Variants in HES7 observed in about 807,000 individuals in gnomAD.
HES7 encodes hes family bHLH transcription factor 7.
In HES7, 8 loss-of-function variants were observed where a neutral mutation model predicts 18.0. The observed-to-expected ratio is 0.45, with a 90% CI of 0.26 to 0.80. The LOEUF (loss-of-function observed/expected upper bound fraction) is 0.80, where lower values mean the gene tolerates loss of function less well. HES7 is among the 30% of genes least tolerant of loss of function. The pLI, the probability that HES7 is intolerant of heterozygous loss-of-function variation, is 0.18. For synonymous variants in HES7, 170 were observed against 158.6 expected, an observed-to-expected ratio of 1.07 and a Z score of -0.54; for missense variants, 356 against 340.9, an observed-to-expected ratio of 1.04 and a Z score of -0.35.
rs750066544 is a variant in HES7 at position 8,121,858 on chromosome 17, G to T, written c.406C>A (p.Pro136Thr). The change falls in exon 4 of 4, where the codon CCC becomes ACC. Residue 136 changes from proline (P) to threonine (T), a missense_variant. By Grantham distance (38) the Pro-to-Thr change is conservative (BLOSUM62 -1). Coordinates refer to ENST00000541682, the MANE Select transcript of HES7 (RefSeq NM_001165967.2). ...ALHGYLRPKP[P>T]RPKPVDPRPP... ...CTCGGATCTACCGGCTTGGGCCGGG[G>T]CGGTTTGGGGCGCAGATAGCCGTGC... 1 of 1,572,868 alleles carries T rather than the reference G, an allele frequency of 6.4e-7. No homozygotes were observed. The highest frequency in any genetic ancestry group is 8.5e-7 in the Non-Finnish European group (1 of 1,169,822).
In HES7 at chr17:8,122,327, C is replaced by A; in HGVS notation, c.226+16G>T. ...TCCCCCCTCCCTCCCTCCGCTGCCC[C>A]ACCCCCGCGCTGTACCCGGGGGCTC... On this transcript the variant is annotated intron_variant, in intron 3 of 3. Transcript: ENST00000541682. The surrounding 1 kb of genome is among the most constrained non-coding windows in gnomAD (Gnocchi z 6.9). 1.3e-6 allele frequency: 2 copies of A among 1,565,460 alleles called. No individual in the cohort carries two copies. The highest frequency in any genetic ancestry group is 4.7e-5 in the East Asian group (2 of 42,466).
rs1981407081 is a variant in HES7, at chr17:8,122,461, G to C, written c.139-31C>G. ...GACGGGAGGGGAGGGCGCAGAGACA[G>C]AAAGGGGTGGGGAGAAAGGGGGAAA... is the stretch of plus-strand genomic sequence containing the variant. On this transcript the variant is annotated intron_variant, in intron 2 of 3. Coordinates refer to ENST00000541682, the MANE Select transcript of HES7 (RefSeq NM_001165967.2). This position sits in a 1 kb window ranked among gnomAD's most constrained non-coding sequence, Gnocchi z 6.9. 1 of 1,401,416 alleles carries C rather than the reference G, an allele frequency of 7.1e-7. No individual in the cohort carries two copies. The highest frequency in any genetic ancestry group is 9.9e-7 in the Non-Finnish European group (1 of 1,009,082). The allele number at this position is 1,401,416 out of a possible 1,614,324, so 86.8% of individuals were successfully genotyped here. A position where few individuals can be genotyped will look rare whatever the true frequency, so the allele number is the denominator to read the frequency against.
chr17:8,123,709 C>G lies in HES7; in HGVS notation c.42+334G>C, dbSNP rs1257015717. Among the ~76,000 whole-genome samples, 1 of 152,170 alleles carries G rather than the reference C, an allele frequency of 6.6e-6. No homozygotes were observed. Among genetic ancestry groups the G allele is most frequent in the African/African-American group, 2.4e-5 (1 of 41,428 alleles). On this transcript the variant is annotated intron_variant, in intron 1 of 3. Coordinates refer to ENST00000541682, the MANE Select transcript of HES7 (RefSeq NM_001165967.2). This position sits in a 1 kb window ranked among gnomAD's most constrained non-coding sequence, Gnocchi z 5.9. The stretch of plus-strand genomic sequence containing the variant: ...AGCCAGAGTGGAGCAAGTGCCTATC[C>G]TCTTCTCTTTTCGTTCCCACCCTCC...
chr17:8,125,337 T>C (rs549058841), upstream of HES7, among the ~76,000 whole-genome samples: 1 of 152,294 alleles, frequency 6.6e-6, no homozygotes, highest in East Asian at 1.9e-4. Flanking sequence ...CTTGCCATCA[T>C]AGCCCGAGCC....
chr17:8,124,693 C>A (rs551713385), upstream of HES7, among the ~76,000 whole-genome samples: 3 of 152,080 alleles, frequency 2.0e-5, no homozygotes, highest in African/African-American at 7.2e-5. Flanking sequence ...TAGGCTCGGG[C>A]GAGTCATAGT....
chr17:8,125,489 G>A (rs1401717987), upstream of HES7, among the ~76,000 whole-genome samples: 2 of 152,202 alleles, frequency 1.3e-5, no homozygotes, highest in Non-Finnish European at 2.9e-5. Flanking sequence ...TGGGAACCTG[G>A]GCTCGGGCTG....
In HES7 at chr17:8,122,344, CG is replaced by C; in HGVS notation, c.224del (p.Pro75ArgfsTer67). On this transcript the variant is annotated frameshift_variant and splice_region_variant, in exon 3 of 4. Coordinates refer to ENST00000541682, the MANE Select transcript of HES7 (RefSeq NM_001165967.2). LOFTEE classifies it high-confidence loss of function. The surrounding 1 kb of genome is among the most constrained non-coding windows in gnomAD (Gnocchi z 6.9). ...CGCTGCCCCACCCCCGCGCTGTACC[CG>C]GGGGCTCCACCCGGCTTCGCTCCCT... ...YLRERSRVEP[P>X]AAAAPGVPRS... is the part of the protein sequence containing the mutation. The C allele has an allele frequency of 6.3e-7, 1 of 1,587,354 alleles. No individual in the cohort carries two copies. Among genetic ancestry groups the C allele is most frequent in the Non-Finnish European group, 8.6e-7 (1 of 1,166,716 alleles).
At position 8,123,393 on chromosome 17, in the gene HES7, T is replaced by G; in HGVS notation, c.43-267A>C. 3.6e-6 allele frequency: 2 copies of G among 552,944 alleles called. No homozygotes were observed. Among genetic ancestry groups the G allele is most frequent in the East Asian group, 3.1e-5 (1 of 32,454 alleles). 34.3% of individuals were successfully genotyped at this position (552,944 alleles called of 1,614,324 possible). A position where few individuals can be genotyped will look rare whatever the true frequency, so the allele number is the denominator to read the frequency against. ...CCCTCTCTGTGTCTCTCCTCCTCTT[T>G]TCTCTCTACGTCTCCGTCTGGTGCA... is the stretch of plus-strand genomic sequence containing the variant. On this transcript the variant is annotated intron_variant, in intron 1 of 3. Coordinates refer to ENST00000541682, the MANE Select transcript of HES7 (RefSeq NM_001165967.2). The surrounding 1 kb of genome is among the most constrained non-coding windows in gnomAD (Gnocchi z 5.9).
Position 8,122,117 on chromosome 17 carries a change from C to A in HES7, c.227-80G>T. 7.9e-7 allele frequency: 1 copy of A among 1,262,508 alleles called. No homozygotes were observed. Among genetic ancestry groups the A allele is most frequent in the Non-Finnish European group, 1.1e-6 (1 of 938,332 alleles). 78.2% of individuals were successfully genotyped at this position (1,262,508 alleles called of 1,614,324 possible). A position where few individuals can be genotyped will look rare whatever the true frequency, so the allele number is the denominator to read the frequency against. ...GGGAAGGGGCGGGGCGCAGAGATAC[C>A]AAGGCCGGACAGGCGCACAGAGACA... On this transcript the variant is annotated intron_variant, in intron 3 of 3. Coordinates refer to ENST00000541682, the MANE Select transcript of HES7 (RefSeq NM_001165967.2). The surrounding 1 kb of genome is among the most constrained non-coding windows in gnomAD (Gnocchi z 6.9).
Position 8,121,772 on chromosome 17 carries a change from G to C in HES7, c.492C>G (p.His164Gln). Residue 164 changes from histidine to glutamine, a missense_variant, in exon 4 of 4, where the codon CAC becomes CAG. Transcript: ENST00000541682. Reference sequence around the variant, plus strand: ...GGCCCTGGTGCACTGGGGGGCGCTGGTGCAGCGCAGGGCCAAGGGCCGGTG... The same window carrying C: ...GGCCCTGGTGCACTGGGGGGCGCTGCTGCAGCGCAGGGCCAAGGGCCGGTG... The part of the protein sequence containing the change: ...PAAPALGPAL[H>Q]QRPPVHQGHP... 1 of 1,527,062 alleles carries C rather than the reference G, an allele frequency of 6.5e-7. No homozygotes were observed. The highest frequency in any genetic ancestry group is 8.7e-7 in the Non-Finnish European group (1 of 1,150,040). 94.6% of individuals were successfully genotyped at this position (1,527,062 alleles called of 1,614,324 possible).
At position 8,122,423 on chromosome 17, in the gene HES7, C is replaced by T; in HGVS notation, c.146G>A (p.Arg49Gln). The change falls in exon 3 of 4, where the codon CGG (arginine) becomes CAG (glutamine). Residue 49 changes from arginine (R) to glutamine (Q), a missense_variant. Coordinates refer to ENST00000541682, the MANE Select transcript of HES7 (RefSeq NM_001165967.2). The surrounding 1 kb of genome is among the most constrained non-coding windows in gnomAD (Gnocchi z 6.9). ...LLERTRDQNL[R>Q]NPKLEKAEIL... is the part of the protein sequence containing the mutation. ...CTCCGCTTTCTCCAGCTTCGGGTTC[C>T]GGAGGTTCTACAGACGGGAGGGGAG... 1 of 1,583,014 alleles carries T rather than the reference C, an allele frequency of 6.3e-7. No homozygotes were observed. Among genetic ancestry groups the T allele is most frequent in the East Asian group, 2.3e-5 (1 of 43,442 alleles).
chr17:8,124,144 G>T, upstream of HES7: 3 of 1,608,344 alleles, frequency 1.9e-6, no homozygotes, highest in South Asian at 2.2e-5. Context: ...ATATTCCGCG[G>T]CCCAAGGGTA....
Position 8,121,762 on chromosome 17 carries a change from G to C in HES7, c.502C>G (p.Pro168Ala), listed in dbSNP as rs754299029. 9 of 1,507,762 alleles carry C rather than the reference G, an allele frequency of 6.0e-6. No individual in the cohort carries two copies. In the Admixed American group the frequency reaches 1.8e-4, roughly 29 times the overall value. The allele number at this position is 1,507,762 out of a possible 1,614,324, so 93.4% of individuals were successfully genotyped here. Reference protein sequence around the residue: ...ALGPALHQRPPVHQGHPSPRC... With the variant: ...ALGPALHQRPAVHQGHPSPRC... ...GGGCTAGGGTGGCCCTGGTGCACTG[G>C]GGGGCGCTGGTGCAGCGCAGGGCCA... The change falls in exon 4 of 4, where the codon CCA becomes GCA. Residue 168 changes from proline (P) to alanine (A), a missense_variant. Pro to Ala is a conservative substitution (Grantham distance 27). Coordinates refer to ENST00000541682, the MANE Select transcript of HES7 (RefSeq NM_001165967.2).
Position 8,122,958 on chromosome 17 carries a change from C to T in HES7, c.138+73G>A. On this transcript the variant is annotated intron_variant, in intron 2 of 3. Coordinates refer to ENST00000541682, the MANE Select transcript of HES7 (RefSeq NM_001165967.2). The surrounding 1 kb of genome is among the most constrained non-coding windows in gnomAD (Gnocchi z 6.9). ...CCAGGGTTGCCAACCAAGCTTGTGT[C>T]CCCACCCCAGTGGGAAGCCCTGGGA... The T allele has an allele frequency of 1.6e-6, 2 of 1,250,528 alleles. No homozygotes were observed. Among genetic ancestry groups the T allele is most frequent in the African/African-American group, 1.5e-5 (1 of 67,280 alleles). 77.5% of individuals were successfully genotyped at this position (1,250,528 alleles called of 1,614,324 possible).
chr17:8,125,801 A>G (rs938196016), upstream of HES7, among the ~76,000 whole-genome samples: 4 of 152,206 alleles, frequency 2.6e-5, no homozygotes, highest in Admixed American at 1.3e-4. Flanking sequence ...CCCGGGTTCG[A>G]TTCCCGGCCA....
chr17:8,124,750 A>G (rs1184537417), upstream of HES7, among the ~76,000 whole-genome samples: 3 of 152,168 alleles, frequency 2.0e-5, no homozygotes, highest in Non-Finnish European at 4.4e-5. Flanking sequence ...ATCTAATGGA[A>G]AAGACCATGT....
Position 8,122,328 on chromosome 17 carries a change from A to AC in HES7, c.226+14dup. Reference sequence around the variant, plus strand: ...CCCCCCTCCCTCCCTCCGCTGCCCCACCCCCGCGCTGTACCCGGGGGCTCC... The same window carrying AC: ...CCCCCCTCCCTCCCTCCGCTGCCCCACCCCCCGCGCTGTACCCGGGGGCTCC... On this transcript the variant is annotated intron_variant, in intron 3 of 3. Transcript: ENST00000541682. This position sits in a 1 kb window ranked among gnomAD's most constrained non-coding sequence, Gnocchi z 6.9. 8.3e-7 allele frequency: 1 copy of AC among 1,209,676 alleles called. No individual in the cohort carries two copies. The highest frequency in any genetic ancestry group is 1.2e-6 in the Non-Finnish European group (1 of 854,218). 74.9% of individuals were successfully genotyped at this position (1,209,676 alleles called of 1,614,324 possible). A position where few individuals can be genotyped will look rare whatever the true frequency, so the allele number is the denominator to read the frequency against.
chr17:8,121,707 G>A lies in HES7; in HGVS notation c.557C>T (p.Ser186Phe). The A allele has an allele frequency of 7.4e-7, 1 of 1,353,638 alleles. No homozygotes were observed. The allele number at this position is 1,353,638 out of a possible 1,614,324, so 83.9% of individuals were successfully genotyped here. The change falls in exon 4 of 4, where the codon TCC becomes TTC. Residue 186 changes from serine to phenylalanine, a missense_variant. By Grantham distance (155) the Ser-to-Phe change is radical (BLOSUM62 -2). Coordinates refer to ENST00000541682, the MANE Select transcript of HES7 (RefSeq NM_001165967.2). ...CGCGCCAGAATCCCCGGCGCGCGGGGAGCAGAGGGATGGGGACCATGCGCA... is the reference window on the plus strand; with the variant it reads ...CGCGCCAGAATCCCCGGCGCGCGGGAAGCAGAGGGATGGGGACCATGCGCA... ...PRCAWSPSLC[S>F]PRAGDSGAPA... is the part of the protein sequence containing the mutation.
At chr17:8,125,820 G>C (rs183357702), upstream of HES7, among the ~76,000 whole-genome samples, 5 of 152,236 alleles carry the variant, frequency 3.3e-5, no homozygotes, top group African/African-American at 4.8e-5. Flanking sequence ...CAATGCACGA[G>C]TACAGTTTTC....
Sources: allele counts gnomAD v4.1 joint callset (sites outside exome capture counted in the v4.1 genomes callset), GRCh38; gene constraint gnomAD v4.1.1; non-coding constraint Gnocchi (gnomAD v3.1); transcripts MANE v1.5; gene names NCBI Gene and HGNC (gene_info 2026-07-23, HGNC 2026-07-21).